Variants in IL17RD observed in about 807,000 individuals in gnomAD.
IL17RD encodes interleukin-17 receptor D.
IL17RD carries 52 observed loss-of-function variants against 80.5 expected under a neutral mutation model. The observed-to-expected ratio is 0.65, with a 90% confidence interval of 0.52 to 0.81. The LOEUF (loss-of-function observed/expected upper bound fraction) is 0.81. Ranked by LOEUF, IL17RD falls within the 40% of genes least tolerant of loss-of-function variation. IL17RD has a pLI of 0.00. For missense variants in IL17RD, 1,024 were observed against 955.1 expected, an observed-to-expected ratio of 1.07 and a Z score of -0.95; for synonymous variants, 416 against 391.8, an observed-to-expected ratio of 1.06 and a Z score of -0.73.
At chr3:57,108,513 T>TTA (rs1341619394) in intron 5 of IL17RD, among the ~76,000 whole-genome samples, 1 of 131,508 alleles carries the variant, frequency 7.6e-6, no homozygotes, top group Non-Finnish European at 1.6e-5. Context: ...ACATGGCTTT[T>TTA]TTTTTTTTTT....
At chr3:57,128,656 T>C in intron 1 of IL17RD, among the ~76,000 whole-genome samples, 1 of 152,188 alleles carries the variant, frequency 6.6e-6, no homozygotes, top group East Asian at 1.9e-4. Flanking sequence ...GCAACTTCTC[T>C]AAATGATGGT....
At chr3:57,156,227 C>T (rs2107542432) in intron 1 of IL17RD, among the ~76,000 whole-genome samples, 1 of 152,210 alleles carries the variant, frequency 6.6e-6, no homozygotes, top group South Asian at 2.1e-4. Flanking sequence ...CAGCAAGTTG[C>T]TATTGGAAAG....
intron 1 of IL17RD, among the ~76,000 whole-genome samples, chr3:57,127,303 T>A (rs1289419138): frequency 2.3e-5 from 2 of 87,588 alleles, no homozygotes; most frequent in Non-Finnish European, 4.0e-5. Context: ...TAAATATATA[T>A]AAAAATATAT....
At position 57,105,996 on chromosome 3, in the gene IL17RD, C is replaced by G; in HGVS notation, c.608G>C (p.Arg203Pro). The G allele has an allele frequency of 6.2e-7, 1 of 1,613,784 alleles. No homozygotes were observed. The highest frequency in any genetic ancestry group is 8.5e-7 in the Non-Finnish European group (1 of 1,179,782). The part of the protein sequence containing the change: ...NLACKPFWKP[R>P]NLNISQHGSD... ...GCCATGCTGGCTGATGTTCAGGTTC[C>G]GAGGCTTCCAGACTGGAAGAAGGTA... The change falls in exon 7 of 13, where the codon CGG becomes CCG. Residue 203 changes from arginine (R) to proline (P), a missense_variant. Coordinates refer to ENST00000296318, the MANE Select transcript of IL17RD (RefSeq NM_017563.5).
intron 2 of IL17RD, among the ~76,000 whole-genome samples, chr3:57,116,682 C>G (rs1707223204): frequency 6.6e-6 from 1 of 152,076 alleles, no homozygotes; most frequent in Non-Finnish European, 1.5e-5. Flanking sequence ...AACATATGTT[C>G]TCTGGGTAAA....
rs1331028190 is a variant in IL17RD, at chr3:57,127,229, TA to T, written c.127-6917del. On this transcript the variant is annotated intron_variant, in intron 1 of 12. Coordinates refer to ENST00000296318, the MANE Select transcript of IL17RD (RefSeq NM_017563.5). ...ATATAAAAATATATATAAATATATA[TA>T]AAAATATATAAATATATATATAAAT... 4.8e-5 allele frequency among the ~76,000 whole-genome samples: 5 copies of T among 104,408 alleles called. 1 individual carries two copies. The highest frequency in any genetic ancestry group is 5.2e-5 in the Non-Finnish European group (3 of 57,362). 68.5% of individuals were successfully genotyped at this position (104,408 alleles called of 152,430 possible).
At chr3:57,165,042 G>A in intron 1 of IL17RD, 119 bp downstream of exon 1, 2 of 1,355,236 alleles carry the variant, frequency 1.5e-6, no homozygotes, top group Non-Finnish European at 1.9e-6. Flanking sequence ...GACCCAGGCC[G>A]GCCGCGGACC....
At chr3:57,159,349 C>A (rs1363628192) in intron 1 of IL17RD, among the ~76,000 whole-genome samples, 2 of 152,208 alleles carry the variant, frequency 1.3e-5, no homozygotes, top group South Asian at 2.1e-4. Flanking sequence ...AGCCGGTGGC[C>A]CTGCCGGGTT....
chr3:57,157,042 G>A (rs1232438908), intron 1 of IL17RD, among the ~76,000 whole-genome samples: 1 of 152,220 alleles, frequency 6.6e-6, no homozygotes, highest in Admixed American at 6.5e-5. Flanking sequence ...GGGTCGGCCA[G>A]GCTTTGTGGC....
At chr3:57,142,603 G>T in intron 1 of IL17RD, 1 of 704,572 alleles carries the variant, frequency 1.4e-6, no homozygotes, top group Non-Finnish European at 2.1e-6. Context: ...TCGCCAACCT[G>T]AGCCTCAGGA....
At chr3:57,115,688 C>T (rs2107492032) in intron 2 of IL17RD, among the ~76,000 whole-genome samples, 1 of 152,322 alleles carries the variant, frequency 6.6e-6, no homozygotes, top group South Asian at 2.1e-4. Context: ...AACCATTCAC[C>T]ATCCCCAGCA....
In IL17RD at chr3:57,093,399, G is replaced by T. The variant is rs868680719; in HGVS notation, c.*2994C>A. On this transcript the variant is annotated 3_prime_UTR_variant, in exon 13 of 13. Coordinates refer to ENST00000296318, the MANE Select transcript of IL17RD (RefSeq NM_017563.5). ...CCAGAGAGTTTTCTTTCTTTTGGGA[G>T]AAGGGTGTGTCATTTTTCCTCAAGG... The T allele has an allele frequency of 6.6e-6, 1 of 152,184 alleles. No homozygotes were observed. The highest frequency in any genetic ancestry group is 2.4e-5 in the African/African-American group (1 of 41,424). 9.4% of individuals were successfully genotyped at this position (152,184 alleles called of 1,614,324 possible).
At chr3:57,155,789 C>A (rs1347672231) in intron 1 of IL17RD, among the ~76,000 whole-genome samples, 1 of 152,162 alleles carries the variant, frequency 6.6e-6, no homozygotes, top group Non-Finnish European at 1.5e-5. Flanking sequence ...CAGGGTTTCA[C>A]CATGTTGGCC....
Position 57,097,986 on chromosome 3 carries a change from G to A in IL17RD, c.1717C>T (p.Arg573Cys), listed in dbSNP as rs1003016425. Residue 573 changes from arginine to cysteine, a missense_variant, in exon 12 of 13, where the codon CGC becomes TGC. Coordinates refer to ENST00000296318, the MANE Select transcript of IL17RD (RefSeq NM_017563.5). ...TTCTCCAAGACTGGCTCCCGGTAGC[G>A]CAGTGGAGGAGGATGGAAGGGAACG... ...QFVPFHPPPL[R>C]YREPVLEKFD... 1.7e-5 allele frequency: 28 copies of A among 1,613,898 alleles called. No individual in the cohort carries two copies. Among genetic ancestry groups the A allele is most frequent in the East Asian group, 6.7e-5 (3 of 44,898 alleles).
intron 1 of IL17RD, among the ~76,000 whole-genome samples, chr3:57,145,451 A>G (rs935528614): frequency 2.0e-5 from 3 of 152,236 alleles, no homozygotes; most frequent in Non-Finnish European, 2.9e-5. Context: ...AAAAGTGACC[A>G]GCAGAGCCGA....
In IL17RD at chr3:57,106,133, G is replaced by A. The variant is rs200088377; in HGVS notation, c.572C>T (p.Pro191Leu). Residue 191 changes from proline (P) to leucine (L), a missense_variant, in exon 6 of 13, where the codon CCG (proline) becomes CTG (leucine). Pro to Leu is a moderately conservative substitution (Grantham distance 98). Coordinates refer to ENST00000296318, the MANE Select transcript of IL17RD (RefSeq NM_017563.5). ...ACAGGGTTTACAAGCTAGATTGTCC[G>A]GCTGTAACAACAGGTCACAGGCTAT... ...RTRACDLLLQ[P>L]DNLACKPFWK... is the part of the protein sequence containing the mutation. The A allele has an allele frequency of 1.3e-4, 217 of 1,611,994 alleles. No individual in the cohort carries two copies. The East Asian group carries it at 1.4e-3, about 11-fold the overall frequency.
At chr3:57,111,969 A>G (rs1198750440) in intron 3 of IL17RD, among the ~76,000 whole-genome samples, 3 of 151,766 alleles carry the variant, frequency 2.0e-5, no homozygotes, top group African/African-American at 7.3e-5. Flanking sequence ...CTCAAAAAAA[A>G]AAAAAGAAAG....
intron 11 of IL17RD, among the ~76,000 whole-genome samples, chr3:57,100,191 T>G (rs547517996): frequency 4.6e-5 from 7 of 152,228 alleles, no homozygotes; most frequent in Non-Finnish European, 1.0e-4. Context: ...TGTGTGCCAT[T>G]GGCTAGAGTG....
chr3:57,152,831 G>T (rs928575695), intron 1 of IL17RD, among the ~76,000 whole-genome samples: 1 of 152,148 alleles, frequency 6.6e-6, no homozygotes, highest in Admixed American at 6.5e-5. Flanking sequence ...TGGAGGATAC[G>T]TTTTTAGTAA....
Sources: gnomAD v4.1 joint callset for allele counts (sites outside exome capture counted in the v4.1 genomes callset) on GRCh38, gnomAD v4.1.1 for gene constraint, MANE v1.5 for transcripts, NCBI Gene and HGNC (gene_info 2026-07-23, HGNC 2026-07-21) for gene names.